SMOC1: variants seen among roughly 807,000 people sequenced by gnomAD.
SMOC1 encodes SPARC-related modular calcium-binding protein 1.
SMOC1 carries 22 observed loss-of-function variants against 56.3 expected under a neutral mutation model. That is an observed-to-expected ratio of 0.39 (90% CI 0.28 to 0.56). The LOEUF (loss-of-function observed/expected upper bound fraction) is 0.56. Ranked by LOEUF, SMOC1 falls within the 20% of genes least tolerant of loss-of-function variation. The probability of loss-of-function intolerance (pLI) is 0.61; values close to 1 mark genes in which losing one functional copy is unlikely to be tolerated. For synonymous variants in SMOC1, 193 were observed against 215.0 expected (o/e 0.90, Z 0.89); for missense variants, 509 against 565.4 (o/e 0.90, Z 1.01).
At chr14:69,880,610 T>A (rs149409960) in intron 1 of SMOC1, among the ~76,000 whole-genome samples, 3,031 of 152,328 alleles carry the variant, frequency 0.02, 36 homozygotes, top group Non-Finnish European at 0.023. Context: ...AGAATTTCAC[T>A]GCCTTGAAAC....
chr14:69,929,095 T>C (rs1282546656), intron 1 of SMOC1, among the ~76,000 whole-genome samples: 3 of 152,252 alleles, frequency 2.0e-5, no homozygotes, highest in Middle Eastern at 6.8e-3. Context: ...GAAGAGACCT[T>C]CTTGAGGTGG....
intron 9 of SMOC1, 62 bp from the exon 10 acceptor site, chr14:70,013,324 G>T (rs1885401383): frequency 6.9e-7 from 1 of 1,440,818 alleles, no homozygotes; most frequent in African/African-American, 1.4e-5. Context: ...GATGGTAGTT[G>T]AGAAAGCTGT....
At chr14:70,001,696 A>T (rs1884975773) in intron 7 of SMOC1, among the ~76,000 whole-genome samples, 1 of 152,200 alleles carries the variant, frequency 6.6e-6, no homozygotes, top group Admixed American at 6.5e-5. Context: ...ACAAGCTAAT[A>T]GGAATAGTAG....
At chr14:69,881,837 G>A (rs73286988) in intron 1 of SMOC1, among the ~76,000 whole-genome samples, 10,365 of 152,070 alleles carry the variant, frequency 0.068, 1,158 homozygotes, top group African/African-American at 0.23. Flanking sequence ...TCTCTTACTC[G>A]AACGAGAACA....
chr14:69,986,264 G>A (rs908696336), intron 5 of SMOC1, among the ~76,000 whole-genome samples: 1 of 152,192 alleles, frequency 6.6e-6, no homozygotes, highest in Non-Finnish European at 1.5e-5. Flanking sequence ...GGGTGGAGGA[G>A]GGAAAGTGTG....
intron 1 of SMOC1, chr14:69,885,498 A>G (rs1883776099): frequency 1.9e-6 from 3 of 1,600,016 alleles, no homozygotes; most frequent in African/African-American, 1.3e-5. Flanking sequence ...AGCTTAGCCA[A>G]AGCGCCTTTG....
At chr14:69,892,665 G>A (rs1594788657) in intron 1 of SMOC1, among the ~76,000 whole-genome samples, 1 of 152,064 alleles carries the variant, frequency 6.6e-6, no homozygotes, top group East Asian at 1.9e-4. Flanking sequence ...CTATTCCCTT[G>A]CTCAGATTAT....
At chr14:69,935,494 A>C (rs1226857161) in intron 1 of SMOC1, among the ~76,000 whole-genome samples, 1 of 152,216 alleles carries the variant, frequency 6.6e-6, no homozygotes, top group Admixed American at 6.5e-5. Flanking sequence ...TAGCTTGAGC[A>C]ACTTCAGAAG....
intron 3 of SMOC1, among the ~76,000 whole-genome samples, chr14:69,961,536 G>T (rs947987029): frequency 6.6e-6 from 1 of 151,246 alleles, no homozygotes; most frequent in Non-Finnish European, 1.5e-5. Flanking sequence ...GTGCACCATT[G>T]CACTTGGCTA....
At chr14:70,007,764 A>T (rs1452975133) in intron 7 of SMOC1, among the ~76,000 whole-genome samples, 1 of 152,168 alleles carries the variant, frequency 6.6e-6, no homozygotes, top group Non-Finnish European at 1.5e-5. Context: ...AATAGTGCCT[A>T]CCTCACATGG....
chr14:69,953,923 C>G (rs1267953894), intron 3 of SMOC1, among the ~76,000 whole-genome samples: 1 of 152,076 alleles, frequency 6.6e-6, no homozygotes, highest in Non-Finnish European at 1.5e-5. Flanking sequence ...TTTTGCTACC[C>G]CCTGCCCTCC....
chr14:69,966,895 C>T (rs939473641), intron 3 of SMOC1, among the ~76,000 whole-genome samples: 1 of 152,210 alleles, frequency 6.6e-6, no homozygotes, highest in African/African-American at 2.4e-5. Context: ...TGGCAGAAAT[C>T]CTTAGTTCTA....
intron 7 of SMOC1, 83 bp downstream of exon 7, chr14:69,994,563 T>C: frequency 9.0e-7 from 1 of 1,110,226 alleles, no homozygotes; most frequent in Non-Finnish European, 1.4e-6. Context: ...TTGTGTGGGT[T>C]TGGAAAAATC....
intron 8 of SMOC1, 113 bp downstream of exon 8, chr14:70,011,059 C>T (rs1335770458): frequency 1.6e-6 from 2 of 1,241,014 alleles, no homozygotes; most frequent in Non-Finnish European, 2.3e-6. Flanking sequence ...CTGGGAGAGC[C>T]ATGTTTTCAA....
intron 1 of SMOC1, among the ~76,000 whole-genome samples, chr14:69,934,687 T>C (rs926585554): frequency 8.5e-5 from 13 of 152,324 alleles, no homozygotes; most frequent in African/African-American, 3.1e-4. Context: ...GAAACCTACA[T>C]CTTCTTTACT....
Position 70,023,247 on chromosome 14 carries a change from T to C in SMOC1, c.1091T>C (p.Val364Ala), listed in dbSNP as rs887346047. 1 of 1,614,058 alleles carries C rather than the reference T, an allele frequency of 6.2e-7. No individual in the cohort carries two copies. Among genetic ancestry groups the C allele is most frequent in the Non-Finnish European group, 8.5e-7 (1 of 1,179,986 alleles). Residue 364 changes from valine to alanine, a missense_variant, in exon 11 of 12, where the codon GTG becomes GCG. Val to Ala is a moderately conservative substitution (Grantham distance 64). Coordinates refer to ENST00000361956, the MANE Select transcript of SMOC1 (RefSeq NM_001034852.3). ...AGCCACACCCTGGAGGAGCGGGTAG[T>C]GCACTGGTATTTCAGCCAGCTGGAC... ...DPSHTLEERVVHWYFSQLDSN... is the reference protein window; with the variant it reads ...DPSHTLEERVAHWYFSQLDSN...
intron 1 of SMOC1, among the ~76,000 whole-genome samples, chr14:69,948,181 A>G (rs993630616): frequency 6.6e-6 from 1 of 152,210 alleles, no homozygotes; most frequent in African/African-American, 2.4e-5. Flanking sequence ...GGGTGATCTT[A>G]TTAGGGCATA....
intron 5 of SMOC1, among the ~76,000 whole-genome samples, chr14:69,982,094 G>A (rs1443789583): frequency 6.6e-6 from 1 of 152,238 alleles, no homozygotes; most frequent in Non-Finnish European, 1.5e-5. Flanking sequence ...GGGTGATGCT[G>A]TGATAAATGG....
intron 5 of SMOC1, among the ~76,000 whole-genome samples, chr14:69,981,323 G>A (rs966848124): frequency 6.6e-6 from 1 of 152,208 alleles, no homozygotes; most frequent in Non-Finnish European, 1.5e-5. Context: ...CCCTTGGAAT[G>A]TCCTTTCCTC....
Sources: gnomAD v4.1 joint callset for allele counts (sites outside exome capture counted in the v4.1 genomes callset) on GRCh38, gnomAD v4.1.1 for gene constraint, MANE v1.5 for transcripts, NCBI Gene and HGNC (gene_info 2026-07-23, HGNC 2026-07-21) for gene names.